Variants in GRK7 observed in about 807,000 individuals in gnomAD.
The protein encoded by GRK7 is rhodopsin kinase GRK7.
In GRK7, 24 loss-of-function variants were observed where a neutral mutation model predicts 34.1. The observed-to-expected ratio is 0.70, with a 90% CI of 0.51 to 0.99. GRK7 has a LOEUF of 0.99. GRK7 is among the 50% of genes least tolerant of loss of function. GRK7 has a pLI of 0.00. For missense variants in GRK7, 644 were observed against 707.3 expected (o/e 0.91, Z 1.02); for synonymous variants, 256 against 279.4 (o/e 0.92, Z 0.84).
chr3:141,758,994 T>C (rs1452295718), upstream of GRK7, among the ~76,000 whole-genome samples: 1 of 132,112 alleles, frequency 7.6e-6, no homozygotes, highest in Non-Finnish European at 1.6e-5. Context: ...GTGATTTTTG[T>C]ACATTGATTT....
At chr3:141,801,965 A>G (rs892838207) in intron 4 of GRK7, among the ~76,000 whole-genome samples, 3 of 152,236 alleles carry the variant, frequency 2.0e-5, no homozygotes, top group African/African-American at 7.2e-5. Flanking sequence ...AAAAAGAAAT[A>G]AGAGACAAGA....
Position 141,764,404 on chromosome 3 carries a change from T to A in GRK7, c.-1549T>A. Reference sequence around the variant, plus strand: ...AAACTGCTCTTGTCAAGCATCTGCGTGACCTCCAAGTTGTTAAATTCACTG... The same window carrying A: ...AAACTGCTCTTGTCAAGCATCTGCGAGACCTCCAAGTTGTTAAATTCACTG... On this transcript the variant is annotated 5_prime_UTR_variant, in exon 1 of 6. Coordinates refer to ENST00000682958, the MANE Select transcript of GRK7 (RefSeq NM_139209.3). Among the ~76,000 whole-genome samples, 1 of 152,234 alleles carries A rather than the reference T, an allele frequency of 6.6e-6. No homozygotes were observed. Among genetic ancestry groups the A allele is most frequent in the East Asian group, 1.9e-4 (1 of 5,196 alleles).
At chr3:141,812,381 T>A (rs1711101555) in intron 5 of GRK7, among the ~76,000 whole-genome samples, 1 of 152,180 alleles carries the variant, frequency 6.6e-6, no homozygotes, top group Non-Finnish European at 1.5e-5. Context: ...GGGAAAGATG[T>A]AAGAGTGAAA....
At chr3:141,796,538 G>A (rs1224837820) in intron 4 of GRK7, among the ~76,000 whole-genome samples, 2 of 152,176 alleles carry the variant, frequency 1.3e-5, no homozygotes, top group African/African-American at 4.8e-5. Context: ...TGTTCTCTGC[G>A]AGGCACAGGG....
At chr3:141,782,299 T>C (rs1394413164) in intron 4 of GRK7, among the ~76,000 whole-genome samples, 2 of 152,118 alleles carry the variant, frequency 1.3e-5, no homozygotes, top group East Asian at 3.9e-4. Context: ...TGGGAGCAAA[T>C]TGGAGCTTTT....
At position 141,818,799 on chromosome 3, in the gene GRK7, C is replaced by A. The variant is rs771979330; in HGVS notation, c.*1749C>A. Among the ~76,000 whole-genome samples the A allele has an allele frequency of 6.6e-6, 1 of 152,100 alleles. No homozygotes were observed. The highest frequency in any genetic ancestry group is 6.6e-5 in the Admixed American group (1 of 15,266). ...AAGGATTCAAGAGCTGCAAAAGTGC[C>A]GGTCAAAAAAATGTTGGTTAACTGG... On this transcript the variant is annotated 3_prime_UTR_variant, in exon 6 of 6. Transcript: ENST00000682958.
chr3:141,755,937 C>T, the GRK7 span, among the ~76,000 whole-genome samples: 1 of 151,298 alleles, frequency 6.6e-6, no homozygotes, highest in African/African-American at 2.4e-5. Context: ...ATATCCCCAA[C>T]CTGGAAACAA....
the GRK7 span, among the ~76,000 whole-genome samples, chr3:141,754,040 G>T: frequency 5.9e-5 from 9 of 152,248 alleles, no homozygotes; most frequent in Admixed American, 5.9e-4. Context: ...AGATAATGGT[G>T]CATAATATAA....
chr3:141,797,775 C>A (rs1710906862), intron 4 of GRK7, among the ~76,000 whole-genome samples: 1 of 152,162 alleles, frequency 6.6e-6, no homozygotes, highest in Admixed American at 6.5e-5. Flanking sequence ...CTGGCCCGGC[C>A]ACCCCAAGGG....
chr3:141,753,219 G>C, the GRK7 span, among the ~76,000 whole-genome samples: 1 of 152,162 alleles, frequency 6.6e-6, no homozygotes, highest in Non-Finnish European at 1.5e-5. Context: ...CTTTTTTAAA[G>C]TTTGTTCACA....
the GRK7 span, among the ~76,000 whole-genome samples, chr3:141,757,126 CTTCTTTTT>C: frequency 3.2e-5 from 3 of 92,592 alleles, no homozygotes; most frequent in African/African-American, 1.0e-4. Context: ...CTTAGATCTT[CTTCTTTTT>C]TTTTTTTTTT....
Position 141,780,477 on chromosome 3 carries a change from A to T in GRK7, c.716A>T (p.Glu239Val). ...GGTGGCGAGAAGATGGCTCTCTTGG[A>T]AAAGGAAATCTTGGAGAAGGTCAGC... The part of the protein sequence containing the change: ...KKGGEKMALL[E>V]KEILEKVSSP... The change falls in exon 4 of 6, where the codon GAA becomes GTA. Residue 239 changes from glutamate (E) to valine (V), a missense_variant. Physicochemically the swap from Glu to Val is moderately radical, Grantham distance 121 (BLOSUM62 -2). Transcript: ENST00000682958. The T allele has an allele frequency of 1.2e-6, 2 of 1,614,240 alleles. No individual in the cohort carries two copies. The highest frequency in any genetic ancestry group is 2.2e-5 in the South Asian group (2 of 91,082).
intron 4 of GRK7, among the ~76,000 whole-genome samples, chr3:141,798,622 G>GT (rs1710917967): frequency 6.6e-6 from 1 of 152,180 alleles, no homozygotes; most frequent in South Asian, 2.1e-4. Context: ...AAACCCAGCT[G>GT]TAAGAGGTCA....
chr3:141,805,544 G>A lies in GRK7; in HGVS notation c.1051-2101G>A, dbSNP rs574814256. On this transcript the variant is annotated intron_variant, in intron 4 of 5. Coordinates refer to ENST00000682958, the MANE Select transcript of GRK7 (RefSeq NM_139209.3). Reference sequence around the variant, plus strand: ...TGTCCCAAGCAAACCGGAACATATGGTCACCCAAATTATATACCAGCTTCT... The same window carrying A: ...TGTCCCAAGCAAACCGGAACATATGATCACCCAAATTATATACCAGCTTCT... Among the ~76,000 whole-genome samples, 4 of 152,268 alleles carry A rather than the reference G, an allele frequency of 2.6e-5. No homozygotes were observed. The East Asian group carries it at 7.7e-4, about 29-fold the overall frequency.
chr3:141,796,888 G>A (rs1211202157), intron 4 of GRK7, among the ~76,000 whole-genome samples: 1 of 152,160 alleles, frequency 6.6e-6, no homozygotes, highest in Non-Finnish European at 1.5e-5. Flanking sequence ...AACAACAGCC[G>A]CTAATACATA....
At chr3:141,785,688 C>T (rs572682136) in intron 4 of GRK7, among the ~76,000 whole-genome samples, 47 of 151,696 alleles carry the variant, frequency 3.1e-4, no homozygotes, top group East Asian at 7.8e-4. Context: ...CATTTGAACC[C>T]GGGAGGTGGA....
Position 141,763,437 on chromosome 3 carries a change from C to G in GRK7, c.-2516C>G, listed in dbSNP as rs1213935843. Among the ~76,000 whole-genome samples, 1 of 152,230 alleles carries G rather than the reference C, an allele frequency of 6.6e-6. No homozygotes were observed. Among genetic ancestry groups the G allele is most frequent in the African/African-American group, 2.4e-5 (1 of 41,456 alleles). ...CACCCTTAGCTCTCAAACCCACTAA[C>G]TAACCCAGCAAAGTCTGGGGGGCCT... On this transcript the variant is annotated 5_prime_UTR_variant, in exon 1 of 6. Transcript: ENST00000682958.
chr3:141,768,843 A>C (rs956068003), intron 1 of GRK7, among the ~76,000 whole-genome samples: 1 of 151,130 alleles, frequency 6.6e-6, no homozygotes, highest in African/African-American at 2.4e-5. Context: ...GCAGTTGGCC[A>C]CTCTCTACTT....
rs1036296447 is a variant in GRK7 at position 141,794,470 on chromosome 3, C to T, written c.1051-13175C>T. Among the ~76,000 whole-genome samples the T allele has an allele frequency of 2.0e-5, 3 of 152,158 alleles. No individual in the cohort carries two copies. The South Asian group carries it at 6.2e-4, about 31-fold the overall frequency. On this transcript the variant is annotated intron_variant, in intron 4 of 5. Transcript: ENST00000682958. Reference sequence around the variant, plus strand: ...GGAAGCCAGGAAATGAAAAGCACATCGTAAGAGGAAATGTGGTTCAAATGA... The same window carrying T: ...GGAAGCCAGGAAATGAAAAGCACATTGTAAGAGGAAATGTGGTTCAAATGA...
Sources: gnomAD v4.1 joint callset for allele counts (sites outside exome capture counted in the v4.1 genomes callset) on GRCh38, gnomAD v4.1.1 for gene constraint, MANE v1.5 for transcripts, NCBI Gene and HGNC (gene_info 2026-07-23, HGNC 2026-07-21) for gene names.